The following ARHGAP18 variants were observed in gnomAD, a reference collection of about 807,000 sequenced individuals.
ARHGAP18 encodes rho GTPase-activating protein 18.
A neutral mutation model predicts 86.2 loss-of-function variants in ARHGAP18; 67 were observed. That is an observed-to-expected ratio of 0.78 (90% confidence interval 0.64 to 0.95). The LOEUF is 0.95. Among genes scored for constraint, ARHGAP18 ranks in the 40% least tolerant of loss-of-function variants. The pLI is 0.00. For synonymous variants in ARHGAP18, 283 were observed against 280.4 expected (o/e 1.01, Z -0.09); for missense variants, 691 against 780.4 (o/e 0.89, Z 1.37).
intron 12 of ARHGAP18, among the ~76,000 whole-genome samples, chr6:129,589,983 C>G (rs2114435599): frequency 6.6e-6 from 1 of 152,300 alleles, no homozygotes; most frequent in South Asian, 2.1e-4. Flanking sequence ...TGTTCCAGAG[C>G]AGGAAGCATC....
chr6:129,577,405 A>G lies in ARHGAP18; in HGVS notation c.*1108T>C, dbSNP rs1324128759. 3.9e-5 allele frequency: 6 copies of G among 152,096 alleles called. No individual in the cohort carries two copies. The highest frequency in any genetic ancestry group is 1.4e-4 in the African/African-American group (6 of 41,410). The allele number at this position is 152,096 out of a possible 1,614,324, so 9.4% of individuals were successfully genotyped here. On this transcript the variant is annotated 3_prime_UTR_variant, in exon 15 of 15. Coordinates refer to ENST00000368149, the MANE Select transcript of ARHGAP18 (RefSeq NM_033515.3). ...AAAATATTTAACATTTCTCTACTTC[A>G]TTTCTTATTTACAGTACAGAGGCTC...
chr6:129,653,452 G>A (rs1773758693), intron 1 of ARHGAP18, among the ~76,000 whole-genome samples: 1 of 152,132 alleles, frequency 6.6e-6, no homozygotes, highest in African/African-American at 2.4e-5. Flanking sequence ...ATAGAAGGCC[G>A]GGAAGTGTTT....
chr6:129,594,105 T>G (rs1788569948), intron 12 of ARHGAP18, among the ~76,000 whole-genome samples: 1 of 152,182 alleles, frequency 6.6e-6, no homozygotes, highest in Non-Finnish European at 1.5e-5. Context: ...GCCACTGCAT[T>G]GAGTCAAAGC....
intron 6 of ARHGAP18, among the ~76,000 whole-genome samples, chr6:129,617,836 T>C (rs539818196): frequency 2.0e-5 from 3 of 152,170 alleles, no homozygotes; most frequent in Non-Finnish European, 4.4e-5. Flanking sequence ...ACAGAGTAAT[T>C]GCCTCTAAAA....
intron 7 of ARHGAP18, among the ~76,000 whole-genome samples, chr6:129,612,790 T>C (rs1271380079): frequency 6.6e-6 from 1 of 152,208 alleles, no homozygotes; most frequent in African/African-American, 2.4e-5. Flanking sequence ...ACCTCTTCTA[T>C]TCCTGGGTTA....
At chr6:129,601,845 C>G (rs1029536677) in intron 10 of ARHGAP18, among the ~76,000 whole-genome samples, 1 of 151,996 alleles carries the variant, frequency 6.6e-6, no homozygotes, top group African/African-American at 2.4e-5. Flanking sequence ...CCAGGCTGGT[C>G]TTGAACTCTT....
Position 129,600,653 on chromosome 6 carries a change from G to T in ARHGAP18, c.1561C>A (p.Leu521Ile). ...TMHLLIKYQK[L>I]LWTIPKFIVN... ...TGATATATACTTACTGTCCACAGAA[G>T]TTTTTGGTACTTAATCAATAAGTGC... The change falls in exon 11 of 15, where the codon CTT (leucine) becomes ATT (isoleucine). Residue 521 changes from leucine to isoleucine, a missense_variant. Transcript: ENST00000368149. 6.2e-7 allele frequency: 1 copy of T among 1,613,004 alleles called. No homozygotes were observed. The highest frequency in any genetic ancestry group is 8.5e-7 in the Non-Finnish European group (1 of 1,179,316).
At chr6:129,670,989 C>A (rs1207768172) in intron 1 of ARHGAP18, among the ~76,000 whole-genome samples, 1 of 152,208 alleles carries the variant, frequency 6.6e-6, no homozygotes, top group Non-Finnish European at 1.5e-5. Flanking sequence ...CTCTTCAAAT[C>A]ATAACATTTG....
intron 1 of ARHGAP18, among the ~76,000 whole-genome samples, chr6:129,701,840 G>T (rs947609983): frequency 3.3e-5 from 5 of 152,138 alleles, no homozygotes; most frequent in African/African-American, 1.2e-4. Context: ...GCTATGAAAT[G>T]TAAGATGACT....
intron 1 of ARHGAP18, among the ~76,000 whole-genome samples, chr6:129,695,555 G>T (rs1227533714): frequency 6.6e-6 from 1 of 152,164 alleles, no homozygotes; most frequent in African/African-American, 2.4e-5. Flanking sequence ...TTTAAAAGGG[G>T]ATTAGTCTTT....
chr6:129,610,534 G>A (rs1436776071), intron 8 of ARHGAP18, among the ~76,000 whole-genome samples: 3 of 152,198 alleles, frequency 2.0e-5, no homozygotes, highest in African/African-American at 7.2e-5. Context: ...TCAGGAAGGT[G>A]GTTGAGAGTG....
intron 1 of ARHGAP18, among the ~76,000 whole-genome samples, chr6:129,692,101 G>A (rs1281625765): frequency 6.6e-6 from 1 of 152,140 alleles, no homozygotes; most frequent in Non-Finnish European, 1.5e-5. Context: ...CCATTTTTCT[G>A]TTCCTGGCCC....
intron 5 of ARHGAP18, among the ~76,000 whole-genome samples, chr6:129,625,985 T>TTATATATCAAATATATATCAAATA (rs1789456308): frequency 8.7e-6 from 1 of 114,692 alleles, no homozygotes; most frequent in African/African-American, 3.3e-5. Flanking sequence ...TATATTTATA[T>TTATATATCAAATATATATCAAATA]TATATATCAA....
chr6:129,684,521 A>T (rs2114540320), intron 1 of ARHGAP18, among the ~76,000 whole-genome samples: 1 of 152,328 alleles, frequency 6.6e-6, no homozygotes, highest in South Asian at 2.1e-4. Context: ...TGTAGGGCAA[A>T]GTTTTGAAAG....
rs13210063 is a variant in ARHGAP18 at position 129,625,103 on chromosome 6, A to G, written c.786+4250T>C. Among the ~76,000 whole-genome samples, 8 of 80,948 alleles carry G rather than the reference A, an allele frequency of 9.9e-5. 1 individual carries two copies. Among genetic ancestry groups the G allele is most frequent in the African/African-American group, 2.9e-4 (6 of 20,366 alleles). The allele number at this position is 80,948 out of a possible 152,430, so 53.1% of individuals were successfully genotyped here. ...ATATGATATATGATATATGATATAT[A>G]TTATATATTATATAGATATATATTA... is the stretch of plus-strand genomic sequence containing the variant. On this transcript the variant is annotated intron_variant, in intron 5 of 14. Transcript: ENST00000368149.
chr6:129,592,702 G>A (rs1011113707), intron 12 of ARHGAP18, among the ~76,000 whole-genome samples: 2 of 152,148 alleles, frequency 1.3e-5, no homozygotes, highest in African/African-American at 4.8e-5. Flanking sequence ...CCCTTTGAGA[G>A]GTGAGCTTGA....
chr6:129,586,112 C>T (rs1400332203), intron 12 of ARHGAP18, among the ~76,000 whole-genome samples: 1 of 152,208 alleles, frequency 6.6e-6, no homozygotes. Context: ...TAACATACAA[C>T]TCAGTGACTC....
chr6:129,650,446 G>C (rs1207754058), intron 1 of ARHGAP18, among the ~76,000 whole-genome samples: 3 of 152,176 alleles, frequency 2.0e-5, no homozygotes, highest in African/African-American at 7.2e-5. Flanking sequence ...TCTTGCTTTA[G>C]AGCTCTGGTT....
chr6:129,684,394 A>T (rs1473064505), intron 1 of ARHGAP18, among the ~76,000 whole-genome samples: 2 of 152,210 alleles, frequency 1.3e-5, no homozygotes, highest in African/African-American at 2.4e-5. Flanking sequence ...TACTGAGGCA[A>T]AATAAAATTC....
Sources: gnomAD v4.1 joint callset for allele counts (sites outside exome capture counted in the v4.1 genomes callset) on GRCh38, gnomAD v4.1.1 for gene constraint, MANE v1.5 for transcripts, NCBI Gene and HGNC (gene_info 2026-07-23, HGNC 2026-07-21) for gene names.